Variants in COL21A1 observed in about 807,000 individuals in gnomAD.
COL21A1 encodes collagen alpha-1(XXI) chain.
In COL21A1, 149 loss-of-function variants were observed where a neutral mutation model predicts 137.9. The observed-to-expected ratio is 1.08, with a 90% CI of 0.95 to 1.24. The LOEUF (loss-of-function observed/expected upper bound fraction) is 1.24, where lower values mean the gene tolerates loss of function less well. COL21A1 is among the 50% of genes most tolerant of loss of function. The pLI, the probability that COL21A1 is intolerant of heterozygous loss-of-function variation, is 0.00. For synonymous variants in COL21A1, 456 were observed against 391.5 expected, an observed-to-expected ratio of 1.16 and a Z score of -1.95; for missense variants, 1,167 against 1,158.4, an observed-to-expected ratio of 1.01 and a Z score of -0.11.
rs543512580 is a variant in COL21A1 at position 56,343,022 on chromosome 6, A to G, written c.-39+50949T>C. Among the ~76,000 whole-genome samples, 168 of 152,312 alleles carry G rather than the reference A, an allele frequency of 1.1e-3. 2 individuals carry two copies. The highest frequency in any genetic ancestry group is 4.0e-3 in the African/African-American group (165 of 41,558). ...CAAATAAAATTTCAAGCTACAAATCATCTTTATGTGAGCAGAATCCTTGCC... is the reference window on the plus strand; with the variant it reads ...CAAATAAAATTTCAAGCTACAAATCGTCTTTATGTGAGCAGAATCCTTGCC... On this transcript the variant is annotated intron_variant, in intron 1 of 28. Transcript: ENST00000370819.
At chr6:56,344,559 A>T (rs750014800) in intron 1 of COL21A1, among the ~76,000 whole-genome samples, 190 of 152,346 alleles carry the variant, frequency 1.2e-3, no homozygotes, top group Non-Finnish European at 2.4e-3. Flanking sequence ...ATTTGTTTAT[A>T]ATAAGTTGGA....
intron 1 of COL21A1, among the ~76,000 whole-genome samples, chr6:56,382,909 G>T (rs2094011189): frequency 6.6e-6 from 1 of 152,112 alleles, no homozygotes; most frequent in African/African-American, 2.4e-5. Context: ...TATTGGTTGT[G>T]AACAGTCTAC....
intron 12 of COL21A1, among the ~76,000 whole-genome samples, chr6:56,139,823 G>A (rs1188560538): frequency 2.0e-5 from 3 of 151,992 alleles, no homozygotes; most frequent in East Asian, 1.9e-4. Flanking sequence ...ATGGTGCTCC[G>A]GTCTGGATGC....
At chr6:56,162,183 A>G (rs1441410257) in intron 9 of COL21A1, among the ~76,000 whole-genome samples, 1 of 152,234 alleles carries the variant, frequency 6.6e-6, no homozygotes, top group Non-Finnish European at 1.5e-5. Flanking sequence ...TTTTTTACAT[A>G]CAGGTCCATG....
At chr6:56,082,327 ACAAAC>A (rs200741409) in intron 17 of COL21A1, among the ~76,000 whole-genome samples, 22,990 of 150,812 alleles carry the variant, frequency 0.15, 1,758 homozygotes, top group Middle Eastern at 0.22. Context: ...ATGTGTTAAA[ACAAAC>A]AAACAAACAA....
chr6:56,259,153 G>C (rs765291500), intron 1 of COL21A1, among the ~76,000 whole-genome samples: 29 of 152,162 alleles, frequency 1.9e-4, no homozygotes, highest in African/African-American at 6.0e-4. Flanking sequence ...TTTGGGAAGG[G>C]GAGAATAGAA....
chr6:56,219,072 C>A (rs142754428), intron 1 of COL21A1, among the ~76,000 whole-genome samples: 1 of 151,904 alleles, frequency 6.6e-6, no homozygotes, highest in African/African-American at 2.4e-5. Context: ...ATCTCCTATT[C>A]TATGCAACAA....
chr6:56,130,559 G>A (rs1035754902), intron 12 of COL21A1, among the ~76,000 whole-genome samples: 1 of 152,018 alleles, frequency 6.6e-6, no homozygotes, highest in African/African-American at 2.4e-5. Flanking sequence ...CTGGCTATAG[G>A]TTATAAAAGA....
At chr6:56,115,478 C>G (rs1425440019) in intron 16 of COL21A1, among the ~76,000 whole-genome samples, 1 of 152,034 alleles carries the variant, frequency 6.6e-6, no homozygotes, top group African/African-American at 2.4e-5. Context: ...TGGGGTGTAC[C>G]CTAAAGCAGA....
intron 1 of COL21A1, among the ~76,000 whole-genome samples, chr6:56,191,588 T>A (rs1778682776): frequency 4.2e-5 from 2 of 47,172 alleles, no homozygotes; most frequent in Admixed American, 2.0e-4. Flanking sequence ...CAAGACTCTA[T>A]CTCAAAAAAA....
At chr6:56,299,397 C>T (rs562716622) in intron 1 of COL21A1, among the ~76,000 whole-genome samples, 28 of 152,204 alleles carry the variant, frequency 1.8e-4, no homozygotes, top group African/African-American at 6.7e-4. Context: ...GATTCAGGTC[C>T]ATTGCATGGA....
chr6:56,260,692 GC>G (rs1763244365), intron 1 of COL21A1, among the ~76,000 whole-genome samples: 6 of 114,340 alleles, frequency 5.2e-5, no homozygotes, highest in Non-Finnish European at 9.2e-5. Context: ...AGGAAGGAAG[GC>G]AGGCAGGCAG....
At chr6:56,281,772 G>T (rs2085435154) in intron 1 of COL21A1, among the ~76,000 whole-genome samples, 1 of 152,130 alleles carries the variant, frequency 6.6e-6, no homozygotes, top group Non-Finnish European at 1.5e-5. Context: ...TGTATTAATT[G>T]AGCATCGACT....
At chr6:56,379,043 A>G (rs76608672) in intron 1 of COL21A1, among the ~76,000 whole-genome samples, 3,744 of 152,352 alleles carry the variant, frequency 0.025, 138 homozygotes, top group African/African-American at 0.077. Flanking sequence ...TACCTAAAGC[A>G]GATACAGCTT....
chr6:56,173,687 T>C (rs566556433), intron 3 of COL21A1, among the ~76,000 whole-genome samples: 2 of 151,892 alleles, frequency 1.3e-5, no homozygotes, highest in Non-Finnish European at 2.9e-5. Flanking sequence ...GCAGCCAACA[T>C]CATGATAACA....
At chr6:56,060,839 T>A in intron 26 of COL21A1, 44 bp from the exon 27 acceptor site, 1 of 1,585,122 alleles carries the variant, frequency 6.3e-7, no homozygotes, top group Non-Finnish European at 8.5e-7. Flanking sequence ...ATAAAGAACA[T>A]GAGCAAAAAT....
At chr6:56,131,611 C>T (rs1773559095) in intron 12 of COL21A1, among the ~76,000 whole-genome samples, 1 of 151,950 alleles carries the variant, frequency 6.6e-6, no homozygotes, top group South Asian at 2.1e-4. Context: ...TCAAGCTGGA[C>T]AGTGTGACGC....
At chr6:56,390,312 C>CATAT (rs1440724474) in intron 1 of COL21A1, among the ~76,000 whole-genome samples, 2 of 151,880 alleles carry the variant, frequency 1.3e-5, no homozygotes, top group African/African-American at 4.8e-5. Flanking sequence ...CTCATGATAA[C>CATAT]CACAAAATGA....
chr6:56,229,084 G>A (rs935396167), intron 1 of COL21A1, among the ~76,000 whole-genome samples: 1 of 151,798 alleles, frequency 6.6e-6, no homozygotes, highest in Admixed American at 6.6e-5. Flanking sequence ...TTCTATAAAG[G>A]ATATGCATTA....
Sources: gnomAD v4.1 joint callset for allele counts (sites outside exome capture counted in the v4.1 genomes callset) on GRCh38, gnomAD v4.1.1 for gene constraint, MANE v1.5 for transcripts, NCBI Gene and HGNC (gene_info 2026-07-23, HGNC 2026-07-21) for gene names.